The following TMEM128 variants were observed in gnomAD, a reference collection of about 807,000 sequenced individuals.
TMEM128 encodes the protein transmembrane protein 128.
TMEM128 carries 16 observed loss-of-function variants against 19.7 expected under a neutral mutation model. The ratio of observed to expected loss-of-function variants is 0.81; its 90% CI spans 0.55 to 1.23. The LOEUF (loss-of-function observed/expected upper bound fraction) is 1.23, where lower values mean the gene tolerates loss of function less well. Ranked by LOEUF, TMEM128 falls within the 50% of genes most tolerant of loss-of-function variation. The pLI, the probability that TMEM128 is intolerant of heterozygous loss-of-function variation, is 0.00. For missense variants in TMEM128, 237 were observed against 200.8 expected, an observed-to-expected ratio of 1.18 and a Z score of -1.09; for synonymous variants, 98 against 75.8, an observed-to-expected ratio of 1.29 and a Z score of -1.52.
chr4:4,248,025 C>A, intron 1 of TMEM128, 81 bp downstream of exon 1: 3 of 1,509,870 alleles, frequency 2.0e-6, no homozygotes, highest in Non-Finnish European at 1.8e-6. Context: ...TCCTTCCAGA[C>A]TGGGCCAGGG....
rs6854167 is a variant in TMEM128, at chr4:4,248,157, G to T, written c.46C>A (p.Leu16Ile). The T allele has an allele frequency of 0.14, 211,955 of 1,533,748 alleles. 15,574 individuals are homozygous for T. Among genetic ancestry groups the T allele is most frequent in the African/African-American group, 0.23 (16,568 of 72,012 alleles). ...ARQQLRRRFL[L>I]LPDAEAQLDR... ...AGCTGGGCCTCGGCGTCCGGCAGGA[G>T]GAGGAATCGCCGCCGGAGCTGCTGC... The change falls in exon 1 of 5, where the codon CTC (leucine) becomes ATC (isoleucine). Residue 16 changes from leucine to isoleucine, a missense_variant. Physicochemically the swap from Leu to Ile is conservative, Grantham distance 5. Transcript: ENST00000382753.
Position 4,248,116 on chromosome 4 carries a change from G to T in TMEM128, c.87C>A (p.Asp29Glu). Reference protein sequence around the residue: ...DAEAQLDREGDAGPETSTAVE... With the variant: ...DAEAQLDREGEAGPETSTAVE... ...TGGTGCGCGCCTCACCCGGCCCGGC[G>T]TCACCCTCGCGGTCCAGCTGGGCCT... Residue 29 changes from aspartate to glutamate, a missense_variant, in exon 1 of 5, where the codon GAC becomes GAA. Coordinates refer to ENST00000382753, the MANE Select transcript of TMEM128 (RefSeq NM_001297551.2). 1 of 1,536,232 alleles carries T rather than the reference G, an allele frequency of 6.5e-7. No individual in the cohort carries two copies.
chr4:4,246,442 A>T, intron 1 of TMEM128, 99 bp from the exon 2 acceptor site: 7 of 1,223,076 alleles, frequency 5.7e-6, no homozygotes, highest in Non-Finnish European at 7.9e-6. Context: ...GCTAAGAAAC[A>T]GTCTCTCCCA....
chr4:4,243,599 T>C (rs12500120), intron 2 of TMEM128, among the ~76,000 whole-genome samples: 46,786 of 151,682 alleles, frequency 0.31, 7,779 homozygotes, highest in East Asian at 0.46. Flanking sequence ...ACCCCCCAAC[T>C]CCCCTTAATG....
chr4:4,236,250 CCT>C lies in TMEM128; in HGVS notation c.*14_*15del, dbSNP rs1294551608. 3 of 141,778 alleles carry C rather than the reference CCT, an allele frequency of 2.1e-5. No individual in the cohort carries two copies. The East Asian group carries it at 6.1e-4, about 29-fold the overall frequency. 8.8% of individuals were successfully genotyped at this position (141,778 alleles called of 1,614,324 possible). Reference sequence around the variant, plus strand: ...AGACAGCCTGGGCAACATAGAAGACCCTGTCTCTTAAAAAAAAAAAAAAAAAA... The same window carrying C: ...AGACAGCCTGGGCAACATAGAAGACCGTCTCTTAAAAAAAAAAAAAAAAAA... On this transcript the variant is annotated 3_prime_UTR_variant, in exon 5 of 5. Coordinates refer to ENST00000382753, the MANE Select transcript of TMEM128 (RefSeq NM_001297551.2).
chr4:4,240,906 T>C lies in TMEM128; in HGVS notation c.240-427A>G, dbSNP rs186781171. 3.5e-3 allele frequency among the ~76,000 whole-genome samples: 540 copies of C among 152,246 alleles called. 5 individuals are homozygous for C. Among genetic ancestry groups the C allele is most frequent in the South Asian group, 0.024 (117 of 4,826 alleles). On this transcript the variant is annotated intron_variant, in intron 2 of 4. Coordinates refer to ENST00000382753, the MANE Select transcript of TMEM128 (RefSeq NM_001297551.2). ...CAGCCTGACCAACACGGAGAAATCC[T>C]GTCTCTACTAAAAATACAAAATTAG... is the stretch of plus-strand genomic sequence containing the variant.
At chr4:4,241,877 T>C (rs1717972026) in intron 2 of TMEM128, among the ~76,000 whole-genome samples, 2 of 152,156 alleles carry the variant, frequency 1.3e-5, no homozygotes, top group Admixed American at 1.3e-4. Context: ...TCATAATCAT[T>C]ATTATTCCAC....
intron 2 of TMEM128, among the ~76,000 whole-genome samples, chr4:4,244,811 C>A (rs4018314): frequency 6.6e-6 from 1 of 151,932 alleles, no homozygotes; most frequent in Non-Finnish European, 1.5e-5. Flanking sequence ...GCTGAGCTAC[C>A]TTTGTCCAGT....
intron 1 of TMEM128, 145 bp from the exon 2 acceptor site, chr4:4,246,488 GTT>G: frequency 2.6e-6 from 2 of 760,308 alleles, no homozygotes; most frequent in Non-Finnish European, 2.0e-6. Flanking sequence ...CTTGAGATAG[GTT>G]TATATTTACA....
Position 4,239,312 on chromosome 4 carries a change from G to A in TMEM128, c.398+1009C>T, listed in dbSNP as rs1335254201. Among the ~76,000 whole-genome samples the A allele has an allele frequency of 7.9e-5, 12 of 152,088 alleles. 1 individual carries two copies. The highest frequency in any genetic ancestry group is 2.1e-4 in the South Asian group (1 of 4,826). On this transcript the variant is annotated intron_variant, in intron 3 of 4. Transcript: ENST00000382753. ...AATATAACGAAGTCCAACAACAGAA[G>A]ACAGGTTAAATAAATCATGTTATGT...
chr4:4,244,610 T>C (rs1427557803), intron 2 of TMEM128, among the ~76,000 whole-genome samples: 1 of 152,040 alleles, frequency 6.6e-6, no homozygotes, highest in East Asian at 1.9e-4. Flanking sequence ...ATGGCTTTGG[T>C]GAGTGATGAC....
At chr4:4,238,825 G>C (rs1181114134) in intron 3 of TMEM128, among the ~76,000 whole-genome samples, 1 of 152,158 alleles carries the variant, frequency 6.6e-6, no homozygotes, top group Non-Finnish European at 1.5e-5. Flanking sequence ...TTGAGGCCAG[G>C]AGTTTGAGAC....
chr4:4,244,573 T>C (rs1718091952), intron 2 of TMEM128, among the ~76,000 whole-genome samples: 3 of 152,334 alleles, frequency 2.0e-5, no homozygotes, highest in African/African-American at 7.2e-5. Context: ...TAAATGTCTG[T>C]TATACTGATG....
intron 2 of TMEM128, among the ~76,000 whole-genome samples, chr4:4,241,532 G>C (rs1717956554): frequency 6.6e-6 from 1 of 152,224 alleles, no homozygotes. Flanking sequence ...ATGTGGAAGA[G>C]AGAGGGAGAA....
chr4:4,240,631 CTCAA>C, intron 2 of TMEM128, 152 bp from the exon 3 acceptor site: 1 of 844,036 alleles, frequency 1.2e-6, no homozygotes, highest in Admixed American at 2.9e-5. Flanking sequence ...TTCAGAAAGT[CTCAA>C]TCTATGGGAG....
chr4:4,237,026 C>G, intron 4 of TMEM128: 1 of 449,418 alleles, frequency 2.2e-6, no homozygotes, highest in Non-Finnish European at 4.4e-6. Context: ...TTATCCGACA[C>G]TCAGAAAACA....
intron 1 of TMEM128, chr4:4,247,504 C>T: frequency 3.2e-6 from 5 of 1,548,018 alleles, no homozygotes; most frequent in East Asian, 2.3e-5. Flanking sequence ...CCATCCTTAA[C>T]CTCAGATCTA....
At chr4:4,240,876 G>A (rs184361014) in intron 2 of TMEM128, among the ~76,000 whole-genome samples, 10 of 152,280 alleles carry the variant, frequency 6.6e-5, no homozygotes, top group East Asian at 1.9e-4. Context: ...TCAGGAGTTC[G>A]AGACCAGCCT....
rs376828344 is a variant in TMEM128, at chr4:4,243,256, G to C, written c.240-2777C>G. On this transcript the variant is annotated intron_variant, in intron 2 of 4. Coordinates refer to ENST00000382753, the MANE Select transcript of TMEM128 (RefSeq NM_001297551.2). ...CACCATGCCCAGCTAATTGTTTTTT[G>C]TATTTTTAGTAGAGACGGGGTTTCA... Among the ~76,000 whole-genome samples the C allele has an allele frequency of 1.8e-4, 28 of 152,092 alleles. No individual in the cohort carries two copies. In the South Asian group the frequency reaches 5.8e-3, roughly 32 times the overall value.
Sources: gnomAD v4.1 joint callset for allele counts (sites outside exome capture counted in the v4.1 genomes callset) on GRCh38, gnomAD v4.1.1 for gene constraint, MANE v1.5 for transcripts, NCBI Gene and HGNC (gene_info 2026-07-23, HGNC 2026-07-21) for gene names.